Variants in CDS1 observed in about 807,000 individuals in gnomAD.
The protein encoded by CDS1 is CDP-diacylglycerol synthase 1, also known as phosphatidate cytidylyltransferase 1.
CDS1 carries 41 observed loss-of-function variants against 62.1 expected under a neutral mutation model. The ratio of observed to expected loss-of-function variants is 0.66; its 90% CI spans 0.51 to 0.86. CDS1 has a LOEUF of 0.86. CDS1 is among the 40% of genes least tolerant of loss of function. The pLI, the probability that CDS1 is intolerant of heterozygous loss-of-function variation, is 0.00. For missense variants in CDS1, 470 were observed against 550.1 expected (o/e 0.85, Z 1.46); for synonymous variants, 185 against 192.6 (o/e 0.96, Z 0.32).
intron 4 of CDS1, among the ~76,000 whole-genome samples, chr4:84,618,873 A>T (rs933856889): frequency 6.6e-6 from 1 of 152,094 alleles, no homozygotes; most frequent in African/African-American, 2.4e-5. Context: ...TTGTCTTAGG[A>T]CTTCTACTAT....
Position 84,583,162 on chromosome 4 carries a change from C to G in CDS1, c.-240C>G. On this transcript the variant is annotated 5_prime_UTR_variant, in exon 1 of 13. Transcript: ENST00000295887. Reference sequence around the variant, plus strand: ...CTCGCGCCTGGCGCCCGGAGCCTGCCCGGGACCTCCGCCGGAGCCGCGCTC... The same window carrying G: ...CTCGCGCCTGGCGCCCGGAGCCTGCGCGGGACCTCCGCCGGAGCCGCGCTC... The G allele has an allele frequency of 4.5e-6, 2 of 446,954 alleles. No homozygotes were observed. The highest frequency in any genetic ancestry group is 7.0e-5 in the South Asian group (2 of 28,666). 27.7% of individuals were successfully genotyped at this position (446,954 alleles called of 1,614,324 possible).
chr4:84,611,569 G>A (rs1209622635), intron 3 of CDS1, among the ~76,000 whole-genome samples: 5 of 152,094 alleles, frequency 3.3e-5, no homozygotes, highest in Admixed American at 3.3e-4. Context: ...ATCAGCTCTT[G>A]AAGCCACTTA....
At position 84,622,449 on chromosome 4, in the gene CDS1, C is replaced by T. The variant is rs371336675; in HGVS notation, c.580+2916C>T. 9.9e-5 allele frequency among the ~76,000 whole-genome samples: 15 copies of T among 151,952 alleles called. No homozygotes were observed. The South Asian group carries it at 1.0e-3, about 11-fold the overall frequency. ...ACTAAAAATACAAAAAAAAATTAGC[C>T]GGGTGCGGTGGCAGGTGCCTGTAAT... On this transcript the variant is annotated intron_variant, in intron 5 of 12. Transcript: ENST00000295887.
Position 84,591,331 on chromosome 4 carries a change from T to C in CDS1, c.117+7813T>C, listed in dbSNP as rs116741365. ...AGATTTTATTTCAGTGTAAAGAACA[T>C]AGGTCATTTAAGAAATTATAAACAT... On this transcript the variant is annotated intron_variant, in intron 1 of 12. Transcript: ENST00000295887. 3.7e-3 allele frequency among the ~76,000 whole-genome samples: 567 copies of C among 152,296 alleles called. 4 individuals carry two copies. In the South Asian group the frequency reaches 0.043, roughly 11 times the overall value.
intron 1 of CDS1, among the ~76,000 whole-genome samples, chr4:84,599,069 A>G (rs1722840000): frequency 6.6e-6 from 1 of 152,166 alleles, no homozygotes; most frequent in African/African-American, 2.4e-5. Context: ...ACTGTAGCCT[A>G]AACAACAGGA....
At chr4:84,607,299 T>C (rs1277418499) in intron 2 of CDS1, among the ~76,000 whole-genome samples, 1 of 151,850 alleles carries the variant, frequency 6.6e-6, no homozygotes, top group East Asian at 1.9e-4. Flanking sequence ...TTTTTTTTTT[T>C]AAGAGACAGT....
At chr4:84,636,535 C>T (rs932933906) in intron 8 of CDS1, among the ~76,000 whole-genome samples, 17 of 152,012 alleles carry the variant, frequency 1.1e-4, no homozygotes, top group African/African-American at 3.1e-4. Context: ...AGTTTTTATT[C>T]GTTTTTGGAG....
intron 8 of CDS1, among the ~76,000 whole-genome samples, chr4:84,637,244 A>G (rs989874428): frequency 6.6e-6 from 1 of 152,180 alleles, no homozygotes; most frequent in African/African-American, 2.4e-5. Context: ...TGATTTACGT[A>G]TTCAAGAGTT....
At chr4:84,592,154 A>T (rs1441065298) in intron 1 of CDS1, among the ~76,000 whole-genome samples, 16 of 86,024 alleles carry the variant, frequency 1.9e-4, no homozygotes, top group Admixed American at 3.3e-4. Context: ...TTAATGACCA[A>T]TTTTTTTTTT....
intron 8 of CDS1, among the ~76,000 whole-genome samples, chr4:84,636,484 G>C (rs950591164): frequency 2.6e-5 from 4 of 152,070 alleles, no homozygotes; most frequent in African/African-American, 9.7e-5. Flanking sequence ...TCATTTTCTA[G>C]AACTGATTTC....
chr4:84,630,342 G>A (rs916663079), intron 5 of CDS1, among the ~76,000 whole-genome samples: 7 of 152,074 alleles, frequency 4.6e-5, no homozygotes, highest in Non-Finnish European at 8.8e-5. Flanking sequence ...CCTATTGCTT[G>A]TGCAGGCCAG....
At chr4:84,599,430 A>G (rs1434011721) in intron 1 of CDS1, among the ~76,000 whole-genome samples, 1 of 21,920 alleles carries the variant, frequency 4.6e-5, no homozygotes, top group Non-Finnish European at 1.1e-4. Context: ...ATATATATAT[A>G]TATATATATA....
At chr4:84,602,625 A>C (rs1170368339) in intron 1 of CDS1, among the ~76,000 whole-genome samples, 1 of 151,664 alleles carries the variant, frequency 6.6e-6, no homozygotes, top group Non-Finnish European at 1.5e-5. Context: ...TTAGTCACCA[A>C]CCCCACTACC....
chr4:84,584,607 C>T (rs1288695978), intron 1 of CDS1, among the ~76,000 whole-genome samples: 1 of 152,092 alleles, frequency 6.6e-6, no homozygotes, highest in Non-Finnish European at 1.5e-5. Flanking sequence ...AGGATTCCAC[C>T]TGAAAGTTGA....
At chr4:84,589,765 T>A (rs1039970845) in intron 1 of CDS1, among the ~76,000 whole-genome samples, 15 of 152,134 alleles carry the variant, frequency 9.9e-5, no homozygotes, top group African/African-American at 3.4e-4. Context: ...GAGAGGCAAG[T>A]TGTAACGTAT....
intron 10 of CDS1, among the ~76,000 whole-genome samples, chr4:84,641,239 G>A: frequency 6.6e-6 from 1 of 152,058 alleles, no homozygotes; most frequent in East Asian, 1.9e-4. Flanking sequence ...GCTAAATTTT[G>A]TATTTTAAGT....
At chr4:84,611,789 G>A (rs573495363) in intron 3 of CDS1, among the ~76,000 whole-genome samples, 74 of 152,298 alleles carry the variant, frequency 4.9e-4, no homozygotes, top group African/African-American at 1.6e-3. Context: ...CAGAGGAAGC[G>A]GAGCTTGAAA....
chr4:84,621,565 G>A (rs561650063), intron 5 of CDS1, among the ~76,000 whole-genome samples: 1 of 152,038 alleles, frequency 6.6e-6, no homozygotes, highest in East Asian at 1.9e-4. Context: ...TTACATTCAG[G>A]TTTTTTGTTA....
At chr4:84,586,161 G>T (rs1482885912) in intron 1 of CDS1, among the ~76,000 whole-genome samples, 3 of 152,208 alleles carry the variant, frequency 2.0e-5, no homozygotes, top group African/African-American at 7.2e-5. Context: ...GCATTGCTTA[G>T]AGCAGTGGTC....
Sources: gnomAD v4.1 joint callset for allele counts (sites outside exome capture counted in the v4.1 genomes callset) on GRCh38, gnomAD v4.1.1 for gene constraint, MANE v1.5 for transcripts, NCBI Gene and HGNC (gene_info 2026-07-23, HGNC 2026-07-21) for gene names.